The following IL1RAP variants were observed in gnomAD, a reference collection of about 807,000 sequenced individuals.
IL1RAP encodes interleukin-1 receptor accessory protein.
A neutral mutation model predicts 60.7 loss-of-function variants in IL1RAP; 35 were observed. That is an observed-to-expected ratio of 0.58 (90% CI 0.44 to 0.76). The LOEUF is 0.76. Among genes scored for constraint, IL1RAP ranks in the 30% least tolerant of loss-of-function variants. IL1RAP has a pLI of 0.00. For missense variants in IL1RAP, 572 were observed against 693.9 expected (o/e 0.82, Z 1.97); for synonymous variants, 268 against 250.9 (o/e 1.07, Z -0.64).
At chr3:190,555,688 A>C (rs1254301926) in intron 1 of IL1RAP, among the ~76,000 whole-genome samples, 1 of 152,208 alleles carries the variant, frequency 6.6e-6, no homozygotes, top group Non-Finnish European at 1.5e-5. Context: ...AATTAAAAGT[A>C]TGTGGTTTGA....
intron 5 of IL1RAP, among the ~76,000 whole-genome samples, 159 bp from the exon 6 acceptor site, chr3:190,620,116 C>T (rs189401359): frequency 7.9e-4 from 121 of 152,224 alleles, no homozygotes; most frequent in Admixed American, 2.4e-3. Flanking sequence ...TTATTCTTCG[C>T]AGAAATCTTG....
chr3:190,622,370 C>A (rs1381173868), intron 6 of IL1RAP, among the ~76,000 whole-genome samples: 3 of 152,176 alleles, frequency 2.0e-5, no homozygotes, highest in Non-Finnish European at 4.4e-5. Flanking sequence ...TTTCTGAGGA[C>A]ATTAACTGCA....
At chr3:190,565,609 T>C (rs377290719) in intron 3 of IL1RAP, among the ~76,000 whole-genome samples, 14 of 152,164 alleles carry the variant, frequency 9.2e-5, no homozygotes, top group African/African-American at 3.4e-4. Context: ...TGTTGGCCCT[T>C]TGGGGCTTCA....
intron 1 of IL1RAP, among the ~76,000 whole-genome samples, chr3:190,555,055 CT>C (rs1490731539): frequency 1.3e-5 from 2 of 152,092 alleles, no homozygotes; most frequent in African/African-American, 4.8e-5. Context: ...TCAGACCATC[CT>C]TTTGAATTAG....
rs116808941 is a variant in IL1RAP at position 190,580,503 on chromosome 3, A to G, written c.64+16150A>G. Reference sequence around the variant, plus strand: ...GAAAGGAGGAAATCCTGCCATATGCATAGACCTGGAGGACATTATGCTAAG... The same window carrying G: ...GAAAGGAGGAAATCCTGCCATATGCGTAGACCTGGAGGACATTATGCTAAG... On this transcript the variant is annotated intron_variant, in intron 3 of 11. Transcript: ENST00000447382. Among the ~76,000 whole-genome samples the G allele has an allele frequency of 9.4e-3, 1,436 of 152,362 alleles. 16 individuals are homozygous for G. The highest frequency in any genetic ancestry group is 0.032 in the African/African-American group (1,348 of 41,582).
chr3:190,608,661 T>C (rs969915150), intron 4 of IL1RAP, among the ~76,000 whole-genome samples: 24 of 151,976 alleles, frequency 1.6e-4, no homozygotes, highest in African/African-American at 5.8e-4. Context: ...ATTAAAATTT[T>C]ATGAAACCAC....
chr3:190,550,111 G>C (rs1988743), intron 1 of IL1RAP, among the ~76,000 whole-genome samples: 90,599 of 152,082 alleles, frequency 0.6, 30,377 homozygotes, highest in Non-Finnish European at 0.74. Flanking sequence ...AAACAGGGGG[G>C]GCTTAGAGAA....
At chr3:190,631,006 A>G (rs1732743025) in intron 9 of IL1RAP, among the ~76,000 whole-genome samples, 1 of 152,228 alleles carries the variant, frequency 6.6e-6, no homozygotes, top group African/African-American at 2.4e-5. Flanking sequence ...GTGTTATTTG[A>G]CAAAGGCTTT....
At chr3:190,578,839 T>A (rs1560185138) in intron 3 of IL1RAP, among the ~76,000 whole-genome samples, 1 of 152,166 alleles carries the variant, frequency 6.6e-6, no homozygotes, top group Admixed American at 6.5e-5. Flanking sequence ...GCAGGGGAAC[T>A]GCCCTTTATA....
At chr3:190,523,025 A>G (rs1722222726) in intron 1 of IL1RAP, among the ~76,000 whole-genome samples, 1 of 152,156 alleles carries the variant, frequency 6.6e-6, no homozygotes, top group Non-Finnish European at 1.5e-5. Flanking sequence ...GATACATATG[A>G]AGTGCCTAAA....
In IL1RAP at chr3:190,648,478, A is replaced by G. The variant is rs1269051190; in HGVS notation, c.1486A>G (p.Ile496Val). 1.2e-6 allele frequency: 2 copies of G among 1,613,994 alleles called. No individual in the cohort carries two copies. Among genetic ancestry groups the G allele is most frequent in the African/African-American group, 2.7e-5 (2 of 74,912 alleles). ...GLENMASRGNINVILVQYKAV... is the reference protein window; with the variant it reads ...GLENMASRGNVNVILVQYKAV... ...AGAAAATATGGCCTCTCGGGGCAAC[A>G]TCAACGTCATTTTAGTACAGTACAA... is the stretch of plus-strand genomic sequence containing the variant. The change falls in exon 12 of 12, where the codon ATC (isoleucine) becomes GTC (valine). Residue 496 changes from isoleucine (I) to valine (V), a missense_variant. Physicochemically the swap from Ile to Val is conservative, Grantham distance 29 (BLOSUM62 3). Coordinates refer to ENST00000447382, the MANE Select transcript of IL1RAP (RefSeq NM_002182.4).
At chr3:190,641,251 C>A (rs1733643789) in intron 9 of IL1RAP, among the ~76,000 whole-genome samples, 1 of 152,230 alleles carries the variant, frequency 6.6e-6, no homozygotes, top group South Asian at 2.1e-4. Flanking sequence ...AGGCGTGAGC[C>A]ACTGCGCCCG....
chr3:190,645,391 T>C (rs1733943202), intron 10 of IL1RAP, among the ~76,000 whole-genome samples: 1 of 152,224 alleles, frequency 6.6e-6, no homozygotes, highest in African/African-American at 2.4e-5. Context: ...AAATTTTCTC[T>C]ACAGTGTTAA....
At chr3:190,623,465 G>T in intron 7 of IL1RAP, 50 bp downstream of exon 7, 1 of 1,268,550 alleles carries the variant, frequency 7.9e-7, no homozygotes, top group Non-Finnish European at 1.2e-6. Context: ...TTAATTACAA[G>T]GAATAAAATG....
In IL1RAP at chr3:190,645,710, T is replaced by G; in HGVS notation, c.1213T>G (p.Tyr405Asp). 2 of 1,610,996 alleles carry G rather than the reference T, an allele frequency of 1.2e-6. No homozygotes were observed. Among genetic ancestry groups the G allele is most frequent in the Non-Finnish European group, 1.7e-6 (2 of 1,177,696 alleles). ...TDETILDGKE[Y>D]DIYVSYARNA... ...GTTCCTTTTGCTAGATGGAAAAGAG[T>G]ATGATATTTATGTATCCTATGCAAG... Residue 405 changes from tyrosine (Y) to aspartate (D), a missense_variant, in exon 11 of 12, where the codon TAT becomes GAT. By Grantham distance (160) the Tyr-to-Asp change is radical. Transcript: ENST00000447382.
intron 8 of IL1RAP, 50 bp from the exon 9 acceptor site, chr3:190,629,300 A>T (rs187380478): frequency 1.5e-6 from 2 of 1,358,466 alleles, no homozygotes; most frequent in Non-Finnish European, 2.0e-6. Flanking sequence ...CACAGTCCAT[A>T]GCTCTTGAGT....
chr3:190,558,628 G>A (rs998929306), intron 2 of IL1RAP, among the ~76,000 whole-genome samples: 18 of 152,044 alleles, frequency 1.2e-4, no homozygotes, highest in African/African-American at 4.1e-4. Context: ...TTAAAATTGA[G>A]TTGTTTCTTG....
exon 12 of IL1RAP, chr3:190,659,624 T>C (rs1335033732): frequency 6.6e-6 from 1 of 152,162 alleles, no homozygotes; most frequent in East Asian, 1.9e-4. Context: ...ATTGTCTACT[T>C]AGTTGCATGA....
At chr3:190,634,344 A>G (rs537624762) in intron 9 of IL1RAP, among the ~76,000 whole-genome samples, 1 of 147,768 alleles carries the variant, frequency 6.8e-6, no homozygotes, top group South Asian at 2.1e-4. Flanking sequence ...GCTGGAGTAC[A>G]GTGGCGCGAT....
Sources: gnomAD v4.1 joint callset for allele counts (sites outside exome capture counted in the v4.1 genomes callset) on GRCh38, gnomAD v4.1.1 for gene constraint, MANE v1.5 for transcripts, NCBI Gene and HGNC (gene_info 2026-07-23, HGNC 2026-07-21) for gene names.